The following LMO7 variants were observed in gnomAD, a reference collection of about 807,000 sequenced individuals.
The protein encoded by LMO7 is LIM domain only protein 7.
LMO7 carries 120 observed loss-of-function variants against 206.5 expected under a neutral mutation model. That is an observed-to-expected ratio of 0.58 (90% confidence interval 0.50 to 0.68). The LOEUF (loss-of-function observed/expected upper bound fraction) is 0.68. Ranked by LOEUF, LMO7 falls within the 30% of genes least tolerant of loss-of-function variation. LMO7 has a pLI of 0.00. For synonymous variants in LMO7, 706 were observed against 681.5 expected (o/e 1.04, Z -0.56); for missense variants, 1,959 against 1,957.9 (o/e 1.00, Z -0.01).
chr13:75,845,290 A>G (rs771197293), intron 25 of LMO7, 37 bp from the exon 26 acceptor site: 1 of 1,096,060 alleles, frequency 9.1e-7, no homozygotes, highest in East Asian at 2.5e-5. Flanking sequence ...AGGTTATTTA[A>G]TGAGACATAT....
intron 1 of LMO7, among the ~76,000 whole-genome samples, chr13:75,698,055 C>T (rs1160978121): frequency 6.6e-6 from 1 of 151,964 alleles, no homozygotes; most frequent in Non-Finnish European, 1.5e-5. Flanking sequence ...AGCTTTGAGA[C>T]CATACAATTA....
intron 6 of LMO7, among the ~76,000 whole-genome samples, chr13:75,798,804 T>A (rs2054357331): frequency 6.6e-6 from 1 of 152,236 alleles, no homozygotes; most frequent in South Asian, 2.1e-4. Context: ...AATTGACTTG[T>A]CAGCGTGCCT....
chr13:75,687,124 C>T (rs185848721), intron 1 of LMO7, among the ~76,000 whole-genome samples: 1 of 152,288 alleles, frequency 6.6e-6, no homozygotes, highest in Admixed American at 6.5e-5. Flanking sequence ...TGGATTCTCC[C>T]TGCATGAAGG....
At position 75,800,859 on chromosome 13, in the gene LMO7, T is replaced by C. The variant is rs144953704; in HGVS notation, c.638T>C (p.Ile213Thr). Residue 213 changes from isoleucine to threonine, a missense_variant, in exon 7 of 31, where the codon ATC (isoleucine) becomes ACC (threonine). Physicochemically the swap from Ile to Thr is moderately conservative, Grantham distance 89 (BLOSUM62 -1). Coordinates refer to ENST00000377534, the MANE Select transcript of LMO7 (RefSeq NM_001306080.2). ...TCATTGACAAGCTGCTCCTCTGATA[T>C]CACGTTGAGAGGGGGGCGTGAAGGT... ...SRSLTSCSSD[I>T]TLRGGREGFE... 1.6e-4 allele frequency: 261 copies of C among 1,613,838 alleles called. No individual in the cohort carries two copies. The highest frequency in any genetic ancestry group is 3.2e-4 in the African/African-American group (24 of 74,896).
chr13:75,849,886 T>G (rs2060344072), intron 27 of LMO7, among the ~76,000 whole-genome samples: 1 of 152,190 alleles, frequency 6.6e-6, no homozygotes, highest in South Asian at 2.1e-4. Flanking sequence ...ACTGGGGAAT[T>G]TATTTGTAAC....
At chr13:75,850,904 A>G (rs1316007536) in intron 27 of LMO7, among the ~76,000 whole-genome samples, 1 of 151,824 alleles carries the variant, frequency 6.6e-6, no homozygotes, top group African/African-American at 2.4e-5. Flanking sequence ...TGTCCCCTGT[A>G]GCTGTAGAGG....
intron 4 of LMO7, among the ~76,000 whole-genome samples, chr13:75,790,724 G>A (rs185046813): frequency 6.6e-6 from 1 of 152,180 alleles, no homozygotes; most frequent in Admixed American, 6.5e-5. Context: ...GAGAGCTTGG[G>A]GCTCCCTTGT....
chr13:75,696,928 G>T (rs948665363), intron 1 of LMO7, among the ~76,000 whole-genome samples: 1 of 152,158 alleles, frequency 6.6e-6, no homozygotes, highest in African/African-American at 2.4e-5. Context: ...GGTAACGCAC[G>T]TCGAACGTTG....
chr13:75,652,256 C>T (rs1245586206), intron 1 of LMO7, among the ~76,000 whole-genome samples: 1 of 152,100 alleles, frequency 6.6e-6, no homozygotes, highest in Non-Finnish European at 1.5e-5. Flanking sequence ...CCTTGTCCAA[C>T]TGCTTTCTGG....
chr13:75,831,575 C>T (rs1039975561), intron 15 of LMO7, among the ~76,000 whole-genome samples: 2 of 152,126 alleles, frequency 1.3e-5, no homozygotes, highest in Non-Finnish European at 2.9e-5. Context: ...AAGAGCATGG[C>T]ACCAACATCT....
chr13:75,821,283 G>C lies in LMO7; in HGVS notation c.2314G>C (p.Ala772Pro). Residue 772 changes from alanine to proline, a missense_variant, in exon 14 of 31, where the codon GCA becomes CCA. By Grantham distance (27) the Ala-to-Pro change is conservative. Coordinates refer to ENST00000377534, the MANE Select transcript of LMO7 (RefSeq NM_001306080.2). ...KRPPTMTVSE[A>P]SYQSERVEEK... ...ACCCCCTACAATGACTGTGTCAGAA[G>C]CAAGTTACCAGAGTGAGAGAGTAGA... 1 of 1,614,066 alleles carries C rather than the reference G, an allele frequency of 6.2e-7. No individual in the cohort carries two copies. The highest frequency in any genetic ancestry group is 1.1e-5 in the South Asian group (1 of 91,078).
chr13:75,813,457 G>C (rs964838779), intron 11 of LMO7, among the ~76,000 whole-genome samples: 1 of 152,204 alleles, frequency 6.6e-6, no homozygotes, highest in African/African-American at 2.4e-5. Flanking sequence ...GTGTTAGGGT[G>C]GGGTGAAAAC....
intron 3 of LMO7, among the ~76,000 whole-genome samples, chr13:75,751,123 T>A (rs1422961663): frequency 6.7e-6 from 1 of 148,646 alleles, no homozygotes; most frequent in Non-Finnish European, 1.5e-5. Flanking sequence ...ATCAGCATCA[T>A]CATGTACTCA....
chr13:75,678,328 A>G (rs976552323), intron 1 of LMO7, among the ~76,000 whole-genome samples: 5 of 152,118 alleles, frequency 3.3e-5, no homozygotes, highest in Admixed American at 6.6e-5. Context: ...TTTAATGATC[A>G]CCATTCTAAC....
intron 17 of LMO7, 98 bp from the exon 18 acceptor site, chr13:75,835,133 ATC>A: frequency 6.6e-7 from 1 of 1,520,900 alleles, no homozygotes; most frequent in Non-Finnish European, 8.8e-7. Context: ...TACTCATTTG[ATC>A]TTCATGTGCC....
At chr13:75,719,764 G>T (rs944839693) in intron 2 of LMO7, among the ~76,000 whole-genome samples, 6 of 152,146 alleles carry the variant, frequency 3.9e-5, no homozygotes, top group African/African-American at 1.4e-4. Context: ...CTAGTCTCAG[G>T]TAGTTCTTAA....
chr13:75,763,499 G>A (rs2139774792), intron 4 of LMO7, among the ~76,000 whole-genome samples: 1 of 152,184 alleles, frequency 6.6e-6, no homozygotes, highest in East Asian at 1.9e-4. Flanking sequence ...TGTTTAAATG[G>A]GAAGGTGCAT....
At chr13:75,743,797 T>G (rs2046613265) in intron 3 of LMO7, among the ~76,000 whole-genome samples, 1 of 152,030 alleles carries the variant, frequency 6.6e-6, no homozygotes, top group African/African-American at 2.4e-5. Flanking sequence ...CAAACCCCCA[T>G]GACATGAATT....
intron 4 of LMO7, among the ~76,000 whole-genome samples, chr13:75,794,093 C>A (rs75500660): frequency 0.023 from 3,525 of 152,132 alleles, 139 homozygotes; most frequent in African/African-American, 0.08. Context: ...GTTTTTGTTG[C>A]GATGAATAGT....
Sources: gnomAD v4.1 joint callset for allele counts (sites outside exome capture counted in the v4.1 genomes callset) on GRCh38, gnomAD v4.1.1 for gene constraint, MANE v1.5 for transcripts, NCBI Gene and HGNC (gene_info 2026-07-23, HGNC 2026-07-21) for gene names.